TMEFF1: variants seen among roughly 807,000 people sequenced by gnomAD.
The protein encoded by TMEFF1 is tomoregulin-1.
In TMEFF1, 20 loss-of-function variants were observed where a neutral mutation model predicts 47.5. The ratio of observed to expected loss-of-function variants is 0.42; its 90% CI spans 0.30 to 0.61. TMEFF1 has a LOEUF of 0.61. TMEFF1 is among the 20% of genes least tolerant of loss of function. TMEFF1 has a pLI of 0.19. For synonymous variants in TMEFF1, 162 were observed against 166.3 expected, an observed-to-expected ratio of 0.97 and a Z score of 0.20; for missense variants, 411 against 471.1, an observed-to-expected ratio of 0.87 and a Z score of 1.18.
At chr9:100,509,470 T>C (rs1837921546) in intron 3 of TMEFF1, among the ~76,000 whole-genome samples, 1 of 152,136 alleles carries the variant, frequency 6.6e-6, no homozygotes, top group Non-Finnish European at 1.5e-5. Context: ...GTCTTGATGA[T>C]TTTTTAAAAA....
intron 8 of TMEFF1, among the ~76,000 whole-genome samples, chr9:100,562,109 C>G (rs1284899498): frequency 6.6e-6 from 1 of 152,130 alleles, no homozygotes; most frequent in Non-Finnish European, 1.5e-5. Context: ...TCTTGCCTGT[C>G]TGCGGATACA....
intron 1 of TMEFF1, among the ~76,000 whole-genome samples, chr9:100,480,618 A>G (rs959523460): frequency 6.6e-6 from 1 of 152,196 alleles, no homozygotes; most frequent in African/African-American, 2.4e-5. Context: ...AAAGGAAAGG[A>G]AAATGGACAT....
At position 100,576,749 on chromosome 9, in the gene TMEFF1, A is replaced by T. The variant is rs929698197; in HGVS notation, c.*149A>T. 1.1e-6 allele frequency: 1 copy of T among 942,902 alleles called. No individual in the cohort carries two copies. Among genetic ancestry groups the T allele is most frequent in the Non-Finnish European group, 1.5e-6 (1 of 650,864 alleles). 58.4% of individuals were successfully genotyped at this position (942,902 alleles called of 1,614,324 possible). On this transcript the variant is annotated 3_prime_UTR_variant, in exon 10 of 10. Transcript: ENST00000374879. The stretch of plus-strand genomic sequence containing the variant: ...CGTATTTAGAATATTCAGCTACGAC[A>T]GTTTTGGACTGTTTAGTAGTCTTTG...
At chr9:100,546,120 G>C (rs4541990) in intron 5 of TMEFF1, among the ~76,000 whole-genome samples, 10,085 of 151,998 alleles carry the variant, frequency 0.066, 510 homozygotes, top group Non-Finnish European at 0.093. Context: ...GTATCTTTTC[G>C]GCAGCACCCC....
intron 8 of TMEFF1, among the ~76,000 whole-genome samples, chr9:100,562,812 T>C (rs948237677): frequency 3.3e-5 from 5 of 151,950 alleles, no homozygotes; most frequent in African/African-American, 1.2e-4. Context: ...TGTGCCACCA[T>C]GCTTGGCTAA....
At position 100,473,447 on chromosome 9, in the gene TMEFF1, G is replaced by C. The variant is rs1226297681; in HGVS notation, c.-98G>C. On this transcript the variant is annotated 5_prime_UTR_variant, in exon 1 of 10. Coordinates refer to ENST00000374879, the MANE Select transcript of TMEFF1 (RefSeq NM_003692.5). This position sits in a 1 kb window ranked among gnomAD's most constrained non-coding sequence, Gnocchi z 5.4. ...TGCTCCCCGGCTCAGCGGCGCGGCT[G>C]CTAGGAGGCACCGAGGCAGCGGCGG... 1 of 979,014 alleles carries C rather than the reference G, an allele frequency of 1.0e-6. No homozygotes were observed. The highest frequency in any genetic ancestry group is 1.7e-5 in the African/African-American group (1 of 58,646). 60.6% of individuals were successfully genotyped at this position (979,014 alleles called of 1,614,324 possible).
chr9:100,544,431 C>T (rs948496127), intron 5 of TMEFF1, among the ~76,000 whole-genome samples: 3 of 152,180 alleles, frequency 2.0e-5, no homozygotes, highest in Non-Finnish European at 1.5e-5. Context: ...TTAAAACCAT[C>T]AGATCTTGTG....
In TMEFF1 at chr9:100,473,863, G is replaced by A. The variant is rs952384818; in HGVS notation, c.196+123G>A. The A allele has an allele frequency of 1.3e-5, 15 of 1,190,904 alleles. No individual in the cohort carries two copies. In the African/African-American group the frequency reaches 1.9e-4, roughly 15 times the overall value. The allele number at this position is 1,190,904 out of a possible 1,614,324, so 73.8% of individuals were successfully genotyped here. On this transcript the variant is annotated intron_variant, in intron 1 of 9. Transcript: ENST00000374879. This position sits in a 1 kb window ranked among gnomAD's most constrained non-coding sequence, Gnocchi z 5.4. ...TGGGGGTCCCAGGGGTGGGCCCGAG[G>A]GTGAGCGAGGGCGGAGGGCAGGGCG...
intron 5 of TMEFF1, among the ~76,000 whole-genome samples, chr9:100,543,150 A>G (rs1033139144): frequency 2.6e-5 from 4 of 151,834 alleles, no homozygotes; most frequent in Admixed American, 2.6e-4. Context: ...CTGGTCACGA[A>G]CTCCTGACCT....
chr9:100,552,422 A>G (rs1041469899), intron 7 of TMEFF1, among the ~76,000 whole-genome samples: 4 of 152,184 alleles, frequency 2.6e-5, no homozygotes, highest in African/African-American at 9.7e-5. Flanking sequence ...TCACAGAACT[A>G]AGGATATTAG....
intron 9 of TMEFF1, among the ~76,000 whole-genome samples, chr9:100,572,985 T>C (rs963049358): frequency 2.0e-5 from 3 of 150,680 alleles, no homozygotes; most frequent in Non-Finnish European, 4.4e-5. Context: ...TAGCAATCTT[T>C]TTTTTTTTTT....
At chr9:100,524,387 T>C (rs1301262254) in intron 5 of TMEFF1, among the ~76,000 whole-genome samples, 1 of 152,214 alleles carries the variant, frequency 6.6e-6, no homozygotes, top group African/African-American at 2.4e-5. Flanking sequence ...AGTGCCCACT[T>C]AGAGAGGAAG....
intron 1 of TMEFF1, among the ~76,000 whole-genome samples, chr9:100,476,789 C>T (rs1410284626): frequency 5.4e-5 from 8 of 148,624 alleles, no homozygotes; most frequent in South Asian, 4.3e-4. Flanking sequence ...CTCCGCCTCC[C>T]GGGTTCGCGC....
chr9:100,568,068 C>T (rs897000494), intron 8 of TMEFF1, among the ~76,000 whole-genome samples: 9 of 152,162 alleles, frequency 5.9e-5, no homozygotes, highest in Non-Finnish European at 1.3e-4. Flanking sequence ...GTTCCTCCCA[C>T]GACACATGGG....
chr9:100,572,788 G>T lies in TMEFF1; in HGVS notation c.1058+112G>T, dbSNP rs963314937. 6.1e-6 allele frequency: 8 copies of T among 1,318,936 alleles called. No homozygotes were observed. In the African/African-American group the frequency reaches 1.1e-4, roughly 17 times the overall value. The allele number at this position is 1,318,936 out of a possible 1,614,324, so 81.7% of individuals were successfully genotyped here. A position where few individuals can be genotyped will look rare whatever the true frequency, so the allele number is the denominator to read the frequency against. On this transcript the variant is annotated intron_variant, in intron 9 of 9. Coordinates refer to ENST00000374879, the MANE Select transcript of TMEFF1 (RefSeq NM_003692.5). ...GGAAAAATCTTATGATCAGTTCCCT[G>T]AGGTTTTCAGTGGTCTCTCCCTATC...
At chr9:100,564,492 A>G (rs1043506576) in intron 8 of TMEFF1, among the ~76,000 whole-genome samples, 2 of 152,246 alleles carry the variant, frequency 1.3e-5, no homozygotes, top group East Asian at 3.8e-4. Flanking sequence ...TTTAAAAAGC[A>G]TACAACCTGG....
chr9:100,574,193 G>A (rs552950224), intron 9 of TMEFF1, among the ~76,000 whole-genome samples: 1 of 152,300 alleles, frequency 6.6e-6, no homozygotes, highest in South Asian at 2.1e-4. Context: ...TTGAGCAGGG[G>A]AAGGACTTGG....
chr9:100,561,339 G>C (rs1839009420), intron 7 of TMEFF1, 58 bp from the exon 8 acceptor site: 2 of 1,581,356 alleles, frequency 1.3e-6, no homozygotes, highest in Admixed American at 3.7e-5. Flanking sequence ...CATTTGAAAA[G>C]TCCTTATTTT....
chr9:100,504,242 A>G (rs778056412), intron 2 of TMEFF1, among the ~76,000 whole-genome samples: 1 of 152,184 alleles, frequency 6.6e-6, no homozygotes, highest in Non-Finnish European at 1.5e-5. Context: ...AAATTGTCCA[A>G]ATCCCATAAT....
Sources: gnomAD v4.1 joint callset for allele counts (sites outside exome capture counted in the v4.1 genomes callset) on GRCh38, gnomAD v4.1.1 for gene constraint, Gnocchi (gnomAD v3.1) non-coding constraint, MANE v1.5 for transcripts, NCBI Gene and HGNC (gene_info 2026-07-23, HGNC 2026-07-21) for gene names.